The following TTC17 variants were observed in gnomAD, a reference collection of about 807,000 sequenced individuals.
The protein encoded by TTC17 is tetratricopeptide repeat protein 17.
A neutral mutation model predicts 143.8 loss-of-function variants in TTC17; 58 were observed. That is an observed-to-expected ratio of 0.40 (90% CI 0.33 to 0.50). The LOEUF (loss-of-function observed/expected upper bound fraction) is 0.50, where lower values mean the gene tolerates loss of function less well. TTC17 is among the 20% of genes least tolerant of loss of function. The pLI, the probability that TTC17 is intolerant of heterozygous loss-of-function variation, is 0.49. For missense variants in TTC17, 1,273 were observed against 1,392.5 expected, an observed-to-expected ratio of 0.91 and a Z score of 1.37; for synonymous variants, 501 against 497.8, an observed-to-expected ratio of 1.01 and a Z score of -0.09.
At chr11:43,489,203 A>G (rs1809085188) in intron 21 of TTC17, among the ~76,000 whole-genome samples, 1 of 152,228 alleles carries the variant, frequency 6.6e-6, no homozygotes, top group Non-Finnish European at 1.5e-5. Flanking sequence ...TTACCAACAG[A>G]CAAGACAAAA....
rs760498520 is a variant in TTC17 at position 43,405,528 on chromosome 11, T to G, written c.1494T>G (p.Ile498Met). 1 of 1,613,830 alleles carries G rather than the reference T, an allele frequency of 6.2e-7. No homozygotes were observed. Among genetic ancestry groups the G allele is most frequent in the East Asian group, 2.2e-5 (1 of 44,886 alleles). The change falls in exon 12 of 24, where the codon ATT (isoleucine) becomes ATG (methionine). Residue 498 changes from isoleucine to methionine, a missense_variant. Around this residue, in one of 3 missense-constraint regions of TTC17, gnomAD observed 878 missense variants for 899.8 expected, o/e 0.98. Transcript: ENST00000039989. ...DSDAYRDKQHILWPKRADCTE... is the reference protein window; with the variant it reads ...DSDAYRDKQHMLWPKRADCTE... ...TTCTTTATCAGGACAAACAGCATAT[T>G]CTATGGCCTAAAAGAGCAGATTGTA...
chr11:43,384,116 G>C (rs1274346031), intron 2 of TTC17, among the ~76,000 whole-genome samples: 2 of 148,822 alleles, frequency 1.3e-5, no homozygotes, highest in Non-Finnish European at 3.0e-5. Context: ...CCGCACTCCA[G>C]CATGGGTGAC....
intron 1 of TTC17, among the ~76,000 whole-genome samples, chr11:43,377,208 G>A (rs186852112): frequency 2.3e-3 from 348 of 152,114 alleles, no homozygotes; most frequent in African/African-American, 8.2e-3. Context: ...CAGGAGAATC[G>A]CTTGAACCAG....
chr11:43,455,385 A>T (rs1041289120), intron 21 of TTC17, among the ~76,000 whole-genome samples: 1 of 152,056 alleles, frequency 6.6e-6, no homozygotes, highest in African/African-American at 2.4e-5. Context: ...TGCATTAATT[A>T]TACAGAAAAT....
At chr11:43,458,547 A>G (rs1947806245) in intron 21 of TTC17, among the ~76,000 whole-genome samples, 1 of 152,184 alleles carries the variant, frequency 6.6e-6, no homozygotes, top group Non-Finnish European at 1.5e-5. Context: ...ATGGGTGAAG[A>G]GGAGGGCAGA....
At chr11:43,392,916 C>G (rs1215579657) in intron 5 of TTC17, among the ~76,000 whole-genome samples, 1 of 152,162 alleles carries the variant, frequency 6.6e-6, no homozygotes, top group Non-Finnish European at 1.5e-5. Flanking sequence ...TAAGCTGACA[C>G]CTGAATCATA....
At chr11:43,430,547 C>T (rs543443657) in intron 16 of TTC17, among the ~76,000 whole-genome samples, 1 of 152,170 alleles carries the variant, frequency 6.6e-6, no homozygotes, top group Non-Finnish European at 1.5e-5. Context: ...ATTAAAATGT[C>T]CTTTAGAGAG....
intron 16 of TTC17, among the ~76,000 whole-genome samples, chr11:43,416,303 T>C (rs1403894216): frequency 2.0e-5 from 3 of 152,184 alleles, no homozygotes; most frequent in Non-Finnish European, 4.4e-5. Context: ...TAGAATCTCT[T>C]TTCTTAATTT....
At chr11:43,427,204 G>A (rs552323344) in intron 16 of TTC17, among the ~76,000 whole-genome samples, 1 of 152,278 alleles carries the variant, frequency 6.6e-6, no homozygotes, top group East Asian at 1.9e-4. Flanking sequence ...TTTCCTGTGT[G>A]TCAGCAGGTG....
chr11:43,472,430 TAAG>T (rs1310510998), intron 21 of TTC17, among the ~76,000 whole-genome samples: 1 of 152,160 alleles, frequency 6.6e-6, no homozygotes, highest in African/African-American at 2.4e-5. Flanking sequence ...GAATTTAAGG[TAAG>T]AAGCATTACT....
chr11:43,444,257 A>G (rs1204428006), intron 18 of TTC17, 48 bp downstream of exon 18: 2 of 1,545,482 alleles, frequency 1.3e-6, no homozygotes, highest in South Asian at 2.5e-5. Context: ...AGATGTCACT[A>G]TCTCATTTCT....
chr11:43,481,104 A>C (rs1948278391), intron 21 of TTC17, among the ~76,000 whole-genome samples: 1 of 152,190 alleles, frequency 6.6e-6, no homozygotes, highest in Non-Finnish European at 1.5e-5. Flanking sequence ...ATATATTTCA[A>C]AACAATAATT....
At chr11:43,397,014 T>C (rs576683276) in intron 6 of TTC17, 196 bp downstream of exon 6, 4 of 476,030 alleles carry the variant, frequency 8.4e-6, no homozygotes, top group Admixed American at 3.6e-5. Context: ...TTGTGTAATA[T>C]ACTTTCCATT....
chr11:43,382,033 T>C (rs1400100724), intron 2 of TTC17, among the ~76,000 whole-genome samples: 4 of 152,214 alleles, frequency 2.6e-5, no homozygotes, highest in African/African-American at 9.7e-5. Context: ...AGATAGAAAT[T>C]TGTTAGTCAT....
intron 1 of TTC17, 30 bp downstream of exon 1, chr11:43,359,143 T>C: frequency 6.4e-7 from 1 of 1,551,132 alleles, no homozygotes; most frequent in South Asian, 1.2e-5. Context: ...TCTTCTCCCG[T>C]GCCCGCCCTC....
intron 1 of TTC17, among the ~76,000 whole-genome samples, chr11:43,364,968 G>A (rs1856273042): frequency 6.6e-6 from 1 of 151,960 alleles, no homozygotes; most frequent in African/African-American, 2.4e-5. Context: ...ACCACGCCCG[G>A]CTAATTTTGT....
chr11:43,463,101 A>G lies in TTC17; in HGVS notation c.3030+11836A>G, dbSNP rs554636211. The stretch of plus-strand genomic sequence containing the variant: ...CAGGAATTTTTGTATGTTTTAATAG[A>G]GACGGGGTTTCACCATATTGGCCAG... On this transcript the variant is annotated intron_variant, in intron 21 of 23. Transcript: ENST00000039989. Among the ~76,000 whole-genome samples the G allele has an allele frequency of 2.0e-5, 3 of 151,994 alleles. No homozygotes were observed. In the South Asian group the frequency reaches 6.2e-4, roughly 32 times the overall value.
At chr11:43,444,467 G>A (rs781539328) in intron 18 of TTC17, 33 of 265,844 alleles carry the variant, frequency 1.2e-4, no homozygotes, top group Non-Finnish European at 1.9e-4. Flanking sequence ...ATATTTACAT[G>A]CTCTTTCCAT....
At chr11:43,362,920 G>T (rs1295310332) in intron 1 of TTC17, among the ~76,000 whole-genome samples, 1 of 152,182 alleles carries the variant, frequency 6.6e-6, no homozygotes, top group Non-Finnish European at 1.5e-5. Flanking sequence ...CTTTTCCACT[G>T]GTGTCAGGGG....
Sources: gnomAD v4.1 joint callset for allele counts (sites outside exome capture counted in the v4.1 genomes callset) on GRCh38, gnomAD v4.1.1 for gene constraint, gnomAD v4.1.1 regional missense constraint, MANE v1.5 for transcripts, NCBI Gene and HGNC (gene_info 2026-07-23, HGNC 2026-07-21) for gene names.